The following RGS8 variants were observed in gnomAD, a reference collection of about 807,000 sequenced individuals.
RGS8 encodes the protein regulator of G-protein signaling 8.
Under a neutral mutation model 21.7 loss-of-function variants are expected in RGS8, and 8 were observed. That is an observed-to-expected ratio of 0.37 (90% confidence interval 0.22 to 0.66). The LOEUF (loss-of-function observed/expected upper bound fraction) is 0.66, where lower values mean the gene tolerates loss of function less well. Ranked by LOEUF, RGS8 falls within the 30% of genes least tolerant of loss-of-function variation. The probability of loss-of-function intolerance (pLI) is 0.59; values close to 1 mark genes in which losing one functional copy is unlikely to be tolerated. For missense variants in RGS8, 157 were observed against 217.9 expected (o/e 0.72, Z 1.76); for synonymous variants, 80 against 83.6 (o/e 0.96, Z 0.24).
At chr1:182,715,913 T>C in the RGS8 span, among the ~76,000 whole-genome samples, 2 of 152,130 alleles carry the variant, frequency 1.3e-5, no homozygotes, top group Admixed American at 6.5e-5. Flanking sequence ...TAGTCACCCT[T>C]GATATCCAAG....
upstream of RGS8, among the ~76,000 whole-genome samples, chr1:182,686,210 G>T (rs1664701400): frequency 6.6e-6 from 1 of 152,146 alleles, no homozygotes; most frequent in African/African-American, 2.4e-5. Flanking sequence ...AGGGAGGCAG[G>T]AGAAAAAAGT....
chr1:182,699,300 CTCGGT>C, the RGS8 span, among the ~76,000 whole-genome samples: 1 of 152,262 alleles, frequency 6.6e-6, no homozygotes, highest in African/African-American at 2.4e-5. Context: ...TCTCGCCTGG[CTCGGT>C]ACTTAGAAAT....
chr1:182,746,027 G>T, the RGS8 span, among the ~76,000 whole-genome samples: 2 of 152,118 alleles, frequency 1.3e-5, no homozygotes, highest in South Asian at 2.1e-4. Flanking sequence ...CTAGGGTAAA[G>T]AAGAGGATAC....
At chr1:182,711,320 CT>C in the RGS8 span, among the ~76,000 whole-genome samples, 3 of 152,348 alleles carry the variant, frequency 2.0e-5, no homozygotes, top group Non-Finnish European at 2.9e-5. Flanking sequence ...ACAGAGCCCC[CT>C]GACCCCAAAT....
chr1:182,736,084 A>G, the RGS8 span, among the ~76,000 whole-genome samples: 10 of 152,222 alleles, frequency 6.6e-5, no homozygotes, highest in Non-Finnish European at 1.3e-4. Flanking sequence ...ACAACAATAC[A>G]TTGATTAAAG....
the RGS8 span, among the ~76,000 whole-genome samples, chr1:182,702,515 C>A: frequency 3.3e-5 from 5 of 152,122 alleles, no homozygotes; most frequent in Non-Finnish European, 7.4e-5. Flanking sequence ...TGCACATGTA[C>A]CCCTGAATCT....
chr1:182,737,165 A>ATTCCTCTTTGGTG, the RGS8 span, among the ~76,000 whole-genome samples: 5 of 152,066 alleles, frequency 3.3e-5, no homozygotes, highest in South Asian at 1.0e-3. Flanking sequence ...GTGGCATTGC[A>ATTCCTCTTTGGTG]TTCCTCTTTG....
chr1:182,734,267 T>C, the RGS8 span, among the ~76,000 whole-genome samples: 2 of 152,130 alleles, frequency 1.3e-5, no homozygotes, highest in African/African-American at 4.8e-5. Context: ...AAAAAGCAGG[T>C]CAGTCACAGT....
chr1:182,656,082 G>A (rs148384305), intron 5 of RGS8, among the ~76,000 whole-genome samples: 1 of 152,332 alleles, frequency 6.6e-6, no homozygotes, highest in East Asian at 1.9e-4. Flanking sequence ...GTGCCTAATA[G>A]TTCATTATAA....
chr1:182,677,232 A>G (rs12404428), upstream of RGS8, among the ~76,000 whole-genome samples: 197 of 152,356 alleles, frequency 1.3e-3, 1 homozygote, highest in Admixed American at 0.011. Flanking sequence ...TATCATTTTC[A>G]TCATGGATAA....
At chr1:182,698,896 G>A in the RGS8 span, among the ~76,000 whole-genome samples, 5,455 of 152,272 alleles carry the variant, frequency 0.036, 126 homozygotes, top group Admixed American at 0.045. Flanking sequence ...ATGTGTGTGT[G>A]ACTGTGTGCA....
chr1:182,679,100 C>G (rs1333969914), intron 1 of RGS8, among the ~76,000 whole-genome samples: 1 of 152,134 alleles, frequency 6.6e-6, no homozygotes, highest in Non-Finnish European at 1.5e-5. Flanking sequence ...TTTATTTTCT[C>G]TTTCTCACAT....
At chr1:182,668,087 G>A (rs1299385158) in intron 3 of RGS8, among the ~76,000 whole-genome samples, 4 of 152,162 alleles carry the variant, frequency 2.6e-5, no homozygotes, top group East Asian at 3.8e-4. Context: ...ATTTGTTTAC[G>A]AATTGTCTAA....
chr1:182,719,383 A>T, the RGS8 span, among the ~76,000 whole-genome samples: 1 of 152,146 alleles, frequency 6.6e-6, no homozygotes, highest in African/African-American at 2.4e-5. Context: ...GAAAAATAGG[A>T]TGCCTAAAAA....
chr1:182,679,265 C>T (rs1341357076), intron 1 of RGS8, among the ~76,000 whole-genome samples: 1 of 152,172 alleles, frequency 6.6e-6, no homozygotes, highest in Non-Finnish European at 1.5e-5. Flanking sequence ...ACCCCTTTGC[C>T]ATTTGGCTTC....
intron 5 of RGS8, among the ~76,000 whole-genome samples, chr1:182,651,541 A>G (rs1663016989): frequency 6.6e-6 from 1 of 152,242 alleles, no homozygotes; most frequent in Non-Finnish European, 1.5e-5. Context: ...CTGAATATAT[A>G]TATCACTTTC....
chr1:182,699,477 T>C, the RGS8 span, among the ~76,000 whole-genome samples: 1 of 152,350 alleles, frequency 6.6e-6, no homozygotes, highest in East Asian at 1.9e-4. Flanking sequence ...GCCCAAGGCC[T>C]TTCCTAACTC....
chr1:182,699,804 A>C, the RGS8 span, among the ~76,000 whole-genome samples: 1 of 152,236 alleles, frequency 6.6e-6, no homozygotes, highest in African/African-American at 2.4e-5. Flanking sequence ...TCCTGGAGCC[A>C]AAAGTTCTGG....
At chr1:182,699,214 G>A in the RGS8 span, among the ~76,000 whole-genome samples, 1 of 152,178 alleles carries the variant, frequency 6.6e-6, no homozygotes, top group African/African-American at 2.4e-5. Flanking sequence ...TCACCACAGA[G>A]GCAGGCCTTC....
Sources: allele counts gnomAD v4.1 joint callset (sites outside exome capture counted in the v4.1 genomes callset), GRCh38; gene constraint gnomAD v4.1.1; transcripts MANE v1.5; gene names NCBI Gene and HGNC (gene_info 2026-07-23, HGNC 2026-07-21).